The following FRMD3 variants were observed in gnomAD, a reference collection of about 807,000 sequenced individuals.
FRMD3 encodes FERM domain containing 3.
FRMD3 carries 33 observed loss-of-function variants against 70.2 expected under a neutral mutation model. The ratio of observed to expected loss-of-function variants is 0.47; its 90% CI spans 0.36 to 0.63. The LOEUF (loss-of-function observed/expected upper bound fraction) is 0.63. Ranked by LOEUF, FRMD3 falls within the 20% of genes least tolerant of loss-of-function variation. The pLI is 0.00. For missense variants in FRMD3, 632 were observed against 711.4 expected (o/e 0.89, Z 1.27); for synonymous variants, 279 against 255.9 (o/e 1.09, Z -0.86).
At chr9:83,452,194 A>G (rs1264720970) in intron 1 of FRMD3, among the ~76,000 whole-genome samples, 2 of 152,112 alleles carry the variant, frequency 1.3e-5, no homozygotes, top group Admixed American at 6.5e-5. Context: ...CCGTATGTAC[A>G]CACTATTGAT....
intron 8 of FRMD3, 97 bp from the exon 9 acceptor site, chr9:83,310,645 G>A: frequency 1.2e-6 from 1 of 847,878 alleles, no homozygotes; most frequent in Non-Finnish European, 1.9e-6. Context: ...ATGCCAGGCA[G>A]ATTGCAGTGA....
At chr9:83,568,947 G>GATACATACATACATAC in the FRMD3 span, among the ~76,000 whole-genome samples, 4 of 103,106 alleles carry the variant, frequency 3.9e-5, no homozygotes, top group African/African-American at 1.1e-4. Flanking sequence ...TAGATAGATA[G>GATACATACATACATAC]ATAGATAGAT....
chr9:83,359,904 T>C (rs1355514210), intron 3 of FRMD3, among the ~76,000 whole-genome samples: 1 of 152,174 alleles, frequency 6.6e-6, no homozygotes, highest in Non-Finnish European at 1.5e-5. Context: ...GTGGACTGAA[T>C]GCATAGGAAT....
chr9:83,279,358 C>A (rs1833893568), intron 13 of FRMD3: 1 of 152,166 alleles, frequency 6.6e-6, no homozygotes, highest in Admixed American at 6.5e-5. Context: ...AAAAGTTAAA[C>A]CCTGATTTTA....
At chr9:83,545,356 GTT>G in the FRMD3 span, among the ~76,000 whole-genome samples, 25,765 of 116,078 alleles carry the variant, frequency 0.22, 2,012 homozygotes, top group Admixed American at 0.29. Context: ...GTTTTTTTTT[GTT>G]TTTTTTTTTT....
intron 1 of FRMD3, among the ~76,000 whole-genome samples, chr9:83,429,811 T>C (rs1377863436): frequency 6.6e-6 from 1 of 152,182 alleles, no homozygotes; most frequent in African/African-American, 2.4e-5. Context: ...CTGCCATTTG[T>C]TCAGGGATCT....
intron 1 of FRMD3, among the ~76,000 whole-genome samples, chr9:83,397,482 A>G (rs80199855): frequency 0.082 from 12,495 of 152,114 alleles, 595 homozygotes; most frequent in East Asian, 0.14. Context: ...ATGGAGGAAG[A>G]AAAACTTAAT....
At chr9:83,353,804 T>C (rs1824243014) in intron 3 of FRMD3, among the ~76,000 whole-genome samples, 1 of 152,222 alleles carries the variant, frequency 6.6e-6, no homozygotes, top group Non-Finnish European at 1.5e-5. Context: ...GATAGCTACT[T>C]CTAGAGGCAG....
intron 1 of FRMD3, among the ~76,000 whole-genome samples, chr9:83,461,883 C>T (rs1223586533): frequency 2.6e-5 from 4 of 151,720 alleles, no homozygotes; most frequent in Admixed American, 6.6e-5. Context: ...AGATGGGTTT[C>T]GCCATGTTGG....
At chr9:83,286,675 C>T (rs1834227376) in intron 13 of FRMD3, among the ~76,000 whole-genome samples, 1 of 152,228 alleles carries the variant, frequency 6.6e-6, no homozygotes, top group Non-Finnish European at 1.5e-5. Context: ...TGATCTTGAA[C>T]CGTTTACAAA....
At position 83,422,796 on chromosome 9, in the gene FRMD3, T is replaced by C. The variant is rs574612029; in HGVS notation, c.148-33088A>G. ...AAATTTGATCAAAAGAATTTTAAGTTTGGAACAATGTTTAGAGATGATCAG... is the reference window on the plus strand; with the variant it reads ...AAATTTGATCAAAAGAATTTTAAGTCTGGAACAATGTTTAGAGATGATCAG... On this transcript the variant is annotated intron_variant, in intron 1 of 13. Transcript: ENST00000304195. Among the ~76,000 whole-genome samples, 438 of 152,282 alleles carry C rather than the reference T, an allele frequency of 2.9e-3. 4 individuals carry two copies. Among genetic ancestry groups the C allele is most frequent in the African/African-American group, 9.7e-3 (403 of 41,554 alleles).
chr9:83,299,129 T>G lies in FRMD3; in HGVS notation c.984A>C (p.Gly328=). The change falls in exon 11 of 14, where the codon GGA becomes GGC. Residue 328 remains glycine, a synonymous_variant. Transcript: ENST00000304195. ...TVSSSKIFFK[G]SRFRYSGKVA... is the part of the protein sequence containing the mutation. ...GTACCCACCTATATCGAAATCTACT[T>G]CCTTTAAAAAATATCTTGCTGCTTG... 3 of 1,611,674 alleles carry G rather than the reference T, an allele frequency of 1.9e-6. No individual in the cohort carries two copies. The highest frequency in any genetic ancestry group is 2.5e-6 in the Non-Finnish European group (3 of 1,178,346).
At position 83,298,798 on chromosome 9, in the gene FRMD3, C is replaced by T. The variant is rs1026763361; in HGVS notation, c.1020G>A (p.Glu340=). 3.1e-6 allele frequency: 5 copies of T among 1,614,112 alleles called. No homozygotes were observed. Among genetic ancestry groups the T allele is most frequent in the Non-Finnish European group, 4.2e-6 (5 of 1,180,038 alleles). Residue 340 remains glutamate, a synonymous_variant, in exon 12 of 14, where the codon GAG becomes GAA. Coordinates refer to ENST00000304195, the MANE Select transcript of FRMD3 (RefSeq NM_174938.6). Reference sequence around the variant, plus strand: ...GGATCTTGGAACTGGCCTCCACCACCTCTTTGGCAACTTTCCCACTGCAAA... The same window carrying T: ...GGATCTTGGAACTGGCCTCCACCACTTCTTTGGCAACTTTCCCACTGCAAA... ...RFRYSGKVAK[E]VVEASSKIQR... is the part of the protein sequence containing the mutation.
chr9:83,272,375 C>T (rs1352045813), intron 13 of FRMD3, among the ~76,000 whole-genome samples: 2 of 152,088 alleles, frequency 1.3e-5, no homozygotes, highest in African/African-American at 4.8e-5. Context: ...CCCGAGGTGC[C>T]GGGATTGCAG....
At chr9:83,569,362 T>A in the FRMD3 span, among the ~76,000 whole-genome samples, 2 of 152,186 alleles carry the variant, frequency 1.3e-5, no homozygotes, top group Non-Finnish European at 2.9e-5. Flanking sequence ...TGCAGATGGA[T>A]CTCATTTTTG....
chr9:83,503,753 G>A (rs941215649), intron 1 of FRMD3, among the ~76,000 whole-genome samples: 1 of 152,202 alleles, frequency 6.6e-6, no homozygotes, highest in African/African-American at 2.4e-5. Context: ...TGGATCAGAA[G>A]GGCCAACACT....
chr9:83,559,842 A>C, the FRMD3 span, among the ~76,000 whole-genome samples: 1 of 152,106 alleles, frequency 6.6e-6, no homozygotes, highest in Non-Finnish European at 1.5e-5. Context: ...GTTTCTCATT[A>C]AAAATTAAAA....
chr9:83,512,169 A>G (rs1486303204), intron 1 of FRMD3, among the ~76,000 whole-genome samples: 2 of 152,210 alleles, frequency 1.3e-5, no homozygotes, highest in African/African-American at 4.8e-5. Context: ...ATTGGCACAT[A>G]CTAAGTGCTC....
intron 1 of FRMD3, among the ~76,000 whole-genome samples, chr9:83,417,869 C>T (rs1826501451): frequency 6.6e-6 from 1 of 152,126 alleles, no homozygotes. Context: ...ATAGTGTTCA[C>T]ATTACAAAGA....
Sources: gnomAD v4.1 joint callset for allele counts (sites outside exome capture counted in the v4.1 genomes callset) on GRCh38, gnomAD v4.1.1 for gene constraint, MANE v1.5 for transcripts, NCBI Gene and HGNC (gene_info 2026-07-23, HGNC 2026-07-21) for gene names.